SPATA13: variants seen among roughly 807,000 people sequenced by gnomAD.
SPATA13 encodes the protein spermatogenesis associated 13.
Under a neutral mutation model 104.0 loss-of-function variants are expected in SPATA13, and 50 were observed. The observed-to-expected ratio is 0.48, with a 90% CI of 0.38 to 0.61. The LOEUF (loss-of-function observed/expected upper bound fraction) is 0.61, where lower values mean the gene tolerates loss of function less well. Ranked by LOEUF, SPATA13 falls within the 20% of genes least tolerant of loss-of-function variation. The pLI is 0.00. For missense variants in SPATA13, 1,524 were observed against 1,690.6 expected (o/e 0.90, Z 1.73); for synonymous variants, 606 against 667.5 (o/e 0.91, Z 1.42).
chr13:24,169,995 T>A (rs1255676720), intron 1 of SPATA13, among the ~76,000 whole-genome samples: 1 of 152,232 alleles, frequency 6.6e-6, no homozygotes, highest in African/African-American at 2.4e-5. Context: ...ATGTGACGTC[T>A]TCATACAAAG....
chr13:23,995,866 G>A (rs1038506673), intron 2 of SPATA13, among the ~76,000 whole-genome samples: 4 of 152,072 alleles, frequency 2.6e-5, no homozygotes, highest in Non-Finnish European at 5.9e-5. Flanking sequence ...GAACTGCGTG[G>A]AGGAAGTGGT....
At chr13:24,117,393 A>G (rs577058635) in intron 3 of SPATA13, among the ~76,000 whole-genome samples, 1 of 152,198 alleles carries the variant, frequency 6.6e-6, no homozygotes, top group Non-Finnish European at 1.5e-5. Context: ...CTAACCCATA[A>G]CCAACTATTG....
intron 2 of SPATA13, among the ~76,000 whole-genome samples, chr13:23,993,142 T>C (rs549465051): frequency 6.8e-6 from 1 of 147,032 alleles, no homozygotes; most frequent in South Asian, 2.2e-4. Context: ...GAACCTGCTG[T>C]GGCGAAGGTC....
At chr13:24,122,157 T>C in intron 3 of SPATA13, 1 of 1,605,688 alleles carries the variant, frequency 6.2e-7, no homozygotes, top group African/African-American at 1.3e-5. Context: ...TCAATCATTT[T>C]GGATTCATGG....
At chr13:24,139,863 C>A (rs548979968) in intron 3 of SPATA13, among the ~76,000 whole-genome samples, 1 of 152,148 alleles carries the variant, frequency 6.6e-6, no homozygotes, top group Non-Finnish European at 1.5e-5. Flanking sequence ...GTCAGGAGAT[C>A]TAGACCATCC....
intron 3 of SPATA13, among the ~76,000 whole-genome samples, chr13:24,111,713 A>G (rs963800976): frequency 6.6e-6 from 1 of 152,230 alleles, no homozygotes; most frequent in Admixed American, 6.5e-5. Flanking sequence ...GCCTGCGTCC[A>G]TATTTTAATG....
chr13:24,068,714 T>A (rs1879054838), intron 3 of SPATA13, among the ~76,000 whole-genome samples: 2 of 152,238 alleles, frequency 1.3e-5, no homozygotes, highest in African/African-American at 4.8e-5. Flanking sequence ...CCATTCTGAC[T>A]GGCATGAGAT....
rs1413173001 is a variant in SPATA13 at position 24,161,468 on chromosome 13, T to G, written c.-112+536T>G. 6.6e-6 allele frequency among the ~76,000 whole-genome samples: 1 copy of G among 152,148 alleles called. No individual in the cohort carries two copies. The highest frequency in any genetic ancestry group is 1.5e-5 in the Non-Finnish European group (1 of 68,026). On this transcript the variant is annotated intron_variant, in intron 1 of 12. Transcript: ENST00000382108. This position sits in a 1 kb window ranked among gnomAD's most constrained non-coding sequence, Gnocchi z 4.5. ...CGGAGTCTCGTCCCAGGGGAAAGAT[T>G]TTGGGACCCGGTGCCCATCGTCTGT...
At chr13:24,212,980 G>T (rs1462270374) in intron 1 of SPATA13, among the ~76,000 whole-genome samples, 1 of 152,272 alleles carries the variant, frequency 6.6e-6, no homozygotes, top group East Asian at 1.9e-4. Context: ...CTTGGAGCGG[G>T]TCTGACCTTA....
At chr13:24,178,548 ACTC>A (rs1252070493) in intron 1 of SPATA13, among the ~76,000 whole-genome samples, 4 of 152,170 alleles carry the variant, frequency 2.6e-5, no homozygotes, top group Non-Finnish European at 5.9e-5. Context: ...AAATGAGCTT[ACTC>A]TGTGCCATGC....
At chr13:24,172,476 G>A (rs531158249) in intron 1 of SPATA13, among the ~76,000 whole-genome samples, 1 of 152,084 alleles carries the variant, frequency 6.6e-6, no homozygotes, top group Non-Finnish European at 1.5e-5. Flanking sequence ...TTTCTAAAAC[G>A]TTCGTGGTTT....
Position 24,249,713 on chromosome 13 carries a change from C to T in SPATA13, c.1890C>T (p.Ser630=). The part of the protein sequence containing the change: ...EDPQASMTSA[S]PEDQNAPVGC... ...CCCAGGCAAGCATGACTTCTGCCAG[C>T]CCTGAAGACCAGAATGCTCCAGTGG... is the stretch of plus-strand genomic sequence containing the variant. Residue 630 remains serine, a synonymous_variant, in exon 3 of 13, where the codon AGC becomes AGT. Coordinates refer to ENST00000382108, the MANE Select transcript of SPATA13 (RefSeq NM_001166271.3). 6.2e-7 allele frequency: 1 copy of T among 1,613,716 alleles called. No individual in the cohort carries two copies. The highest frequency in any genetic ancestry group is 8.5e-7 in the Non-Finnish European group (1 of 1,179,846).
intron 3 of SPATA13, among the ~76,000 whole-genome samples, chr13:24,114,979 G>C (rs9507247): frequency 6.6e-6 from 1 of 151,890 alleles, no homozygotes; most frequent in Non-Finnish European, 1.5e-5. Flanking sequence ...TTTGTTTTGA[G>C]CCCAGCCCAG....
At chr13:24,104,159 G>A (rs756432016) in intron 3 of SPATA13, among the ~76,000 whole-genome samples, 1 of 152,038 alleles carries the variant, frequency 6.6e-6, no homozygotes, top group Non-Finnish European at 1.5e-5. Flanking sequence ...ACATGTGTAC[G>A]TGCTGAGAAA....
At chr13:24,189,915 T>TTATATA (rs1869490415) in intron 1 of SPATA13, among the ~76,000 whole-genome samples, 1 of 85,500 alleles carries the variant, frequency 1.2e-5, no homozygotes, top group Admixed American at 2.0e-4. Flanking sequence ...TATTACATAA[T>TTATATA]ATATATTATA....
intron 2 of SPATA13, among the ~76,000 whole-genome samples, chr13:23,991,388 A>T (rs1206366862): frequency 6.6e-6 from 1 of 152,178 alleles, no homozygotes; most frequent in Non-Finnish European, 1.5e-5. Flanking sequence ...TAAAAATAGC[A>T]AAGGTCATAT....
At chr13:24,142,240 AT>A (rs1881786672) in intron 3 of SPATA13, among the ~76,000 whole-genome samples, 1 of 151,834 alleles carries the variant, frequency 6.6e-6, no homozygotes, top group African/African-American at 2.4e-5. Flanking sequence ...AAACCAGGAT[AT>A]TAACATGCAT....
chr13:24,265,152 T>C (rs1318366835), intron 4 of SPATA13, among the ~76,000 whole-genome samples: 2 of 152,206 alleles, frequency 1.3e-5, no homozygotes, highest in African/African-American at 4.8e-5. Flanking sequence ...TCCTGAGCTG[T>C]GTATGATGGG....
chr13:24,053,885 A>C (rs1272252800), intron 3 of SPATA13, among the ~76,000 whole-genome samples: 2 of 152,362 alleles, frequency 1.3e-5, no homozygotes, highest in East Asian at 3.9e-4. Flanking sequence ...AGGAATTCAC[A>C]AGGGATTTTC....
Sources: allele counts gnomAD v4.1 joint callset (sites outside exome capture counted in the v4.1 genomes callset), GRCh38; gene constraint gnomAD v4.1.1; non-coding constraint Gnocchi (gnomAD v3.1); transcripts MANE v1.5; gene names NCBI Gene and HGNC (gene_info 2026-07-23, HGNC 2026-07-21).